The following PTPRD variants were observed in gnomAD, a reference collection of about 807,000 sequenced individuals.
PTPRD encodes protein tyrosine phosphatase receptor type D, also known as receptor-type tyrosine-protein phosphatase delta.
Under a neutral mutation model 214.5 loss-of-function variants are expected in PTPRD, and 34 were observed. That is an observed-to-expected ratio of 0.16 (90% CI 0.12 to 0.21). The LOEUF (loss-of-function observed/expected upper bound fraction) is 0.21, where lower values mean the gene tolerates loss of function less well. PTPRD is among the 10% of genes least tolerant of loss of function. The probability of loss-of-function intolerance (pLI) is 1.00; values close to 1 mark genes in which losing one functional copy is unlikely to be tolerated. For missense variants in PTPRD, 2,545 were observed against 2,398.7 expected (o/e 1.06, Z -1.27); for synonymous variants, 1,128 against 845.7 (o/e 1.33, Z -5.79).
chr9:8,771,355 T>C (rs1278527085), intron 11 of PTPRD, among the ~76,000 whole-genome samples: 2 of 152,192 alleles, frequency 1.3e-5, no homozygotes, highest in African/African-American at 4.8e-5. Context: ...CTAAAGACTA[T>C]CACTGTACTT....
intron 8 of PTPRD, among the ~76,000 whole-genome samples, chr9:9,467,485 G>A (rs2094272703): frequency 6.6e-6 from 1 of 150,458 alleles, no homozygotes; most frequent in Non-Finnish European, 1.5e-5. Context: ...TACTCGAGAG[G>A]CTGAGGCAGT....
At chr9:9,605,089 G>C (rs2094060037) in intron 7 of PTPRD, among the ~76,000 whole-genome samples, 1 of 151,892 alleles carries the variant, frequency 6.6e-6, no homozygotes, top group African/African-American at 2.4e-5. Context: ...TTTTCATCTA[G>C]CAAAACATTT....
At chr9:10,479,152 T>C (rs1445420476) in intron 2 of PTPRD, among the ~76,000 whole-genome samples, 1 of 152,156 alleles carries the variant, frequency 6.6e-6, no homozygotes, top group Non-Finnish European at 1.5e-5. Context: ...CTAAATTCTA[T>C]ACTCGTATAA....
At chr9:10,124,603 C>G (rs1179984861) in intron 3 of PTPRD, among the ~76,000 whole-genome samples, 1 of 152,156 alleles carries the variant, frequency 6.6e-6, no homozygotes, top group Non-Finnish European at 1.5e-5. Flanking sequence ...ATGTCTCCTG[C>G]ACTTTTTCTA....
At chr9:10,086,182 C>G (rs1242832483) in intron 3 of PTPRD, among the ~76,000 whole-genome samples, 4 of 151,782 alleles carry the variant, frequency 2.6e-5, no homozygotes, top group African/African-American at 9.7e-5. Context: ...AATGCAAAGT[C>G]TAATAGTAAA....
intron 2 of PTPRD, among the ~76,000 whole-genome samples, chr9:10,424,367 T>C (rs1447419424): frequency 2.0e-5 from 3 of 151,724 alleles, no homozygotes; most frequent in Non-Finnish European, 4.4e-5. Flanking sequence ...TCTGTTATTA[T>C]ATTTTTAGGT....
chr9:10,208,314 G>A (rs554087415), intron 3 of PTPRD, among the ~76,000 whole-genome samples: 2,287 of 152,138 alleles, frequency 0.015, 42 homozygotes, highest in African/African-American at 0.04. Flanking sequence ...GGAGATCGAC[G>A]CCATCCTGGC....
At chr9:8,457,369 T>C (rs1038121726) in intron 33 of PTPRD, among the ~76,000 whole-genome samples, 2 of 152,086 alleles carry the variant, frequency 1.3e-5, no homozygotes, top group African/African-American at 4.8e-5. Flanking sequence ...TACAAGAAAA[T>C]TTATAACATT....
At chr9:9,764,275 G>A (rs1011523040) in intron 6 of PTPRD, among the ~76,000 whole-genome samples, 8 of 151,906 alleles carry the variant, frequency 5.3e-5, no homozygotes, top group Admixed American at 2.6e-4. Flanking sequence ...TTTATAATGC[G>A]GTGTTCCATC....
intron 35 of PTPRD, among the ~76,000 whole-genome samples, chr9:8,423,031 G>C (rs552644998): frequency 6.6e-6 from 1 of 152,308 alleles, no homozygotes; most frequent in Non-Finnish European, 1.5e-5. Context: ...ACCTAAGCCT[G>C]CAGGGATGGG....
Position 8,968,203 on chromosome 9 carries a change from T to C in PTPRD, c.-104+50494A>G, listed in dbSNP as rs375887325. On this transcript the variant is annotated intron_variant, in intron 11 of 45. Transcript: ENST00000381196. ...AAGTCTTTGCTATTGTGAATAGTGC[T>C]GCAATAAACATACGTGTGCATGTGT... Among the ~76,000 whole-genome samples, 8 of 152,220 alleles carry C rather than the reference T, an allele frequency of 5.3e-5. No individual in the cohort carries two copies. The East Asian group carries it at 9.7e-4, about 18-fold the overall frequency.
chr9:10,578,999 G>A (rs1174963510), intron 2 of PTPRD, among the ~76,000 whole-genome samples: 1 of 152,038 alleles, frequency 6.6e-6, no homozygotes, highest in African/African-American at 2.4e-5. Flanking sequence ...GTGATTTGCT[G>A]CACCTCTCAA....
intron 11 of PTPRD, among the ~76,000 whole-genome samples, chr9:8,748,227 C>G (rs535894435): frequency 2.0e-5 from 3 of 152,066 alleles, no homozygotes; most frequent in Non-Finnish European, 4.4e-5. Context: ...ATTTCCTAGG[C>G]GGAATAAGAA....
At chr9:9,152,876 G>C (rs79823861) in intron 10 of PTPRD, among the ~76,000 whole-genome samples, 1,682 of 152,300 alleles carry the variant, frequency 0.011, 12 homozygotes, top group Non-Finnish European at 0.019. Context: ...CAGAACCGAT[G>C]AGAGGGGCAC....
chr9:9,239,606 T>C (rs746994498), intron 9 of PTPRD, among the ~76,000 whole-genome samples: 4 of 152,166 alleles, frequency 2.6e-5, no homozygotes, highest in Non-Finnish European at 5.9e-5. Flanking sequence ...CCTGAAATCT[T>C]ACACACATCT....
At chr9:9,503,517 G>A (rs1263803672) in intron 8 of PTPRD, among the ~76,000 whole-genome samples, 1 of 151,690 alleles carries the variant, frequency 6.6e-6, no homozygotes, top group Non-Finnish European at 1.5e-5. Context: ...AAAATGTAGA[G>A]GAGGCCATGG....
intron 8 of PTPRD, among the ~76,000 whole-genome samples, chr9:9,514,911 C>T (rs753539562): frequency 1.3e-5 from 2 of 152,108 alleles, no homozygotes; most frequent in African/African-American, 2.4e-5. Flanking sequence ...CATACCTAAA[C>T]AAATACTTAT....
chr9:9,973,984 G>C (rs2095256081), intron 4 of PTPRD, among the ~76,000 whole-genome samples: 1 of 152,096 alleles, frequency 6.6e-6, no homozygotes, highest in Non-Finnish European at 1.5e-5. Flanking sequence ...TATTCTGATG[G>C]TTCTGTAAAT....
intron 8 of PTPRD, among the ~76,000 whole-genome samples, chr9:9,482,043 G>A (rs931464368): frequency 6.6e-6 from 1 of 152,020 alleles, no homozygotes; most frequent in Non-Finnish European, 1.5e-5. Flanking sequence ...GAGCTACTCT[G>A]CCACATGAAT....
Sources: allele counts gnomAD v4.1 joint callset (sites outside exome capture counted in the v4.1 genomes callset), GRCh38; gene constraint gnomAD v4.1.1; transcripts MANE v1.5; gene names NCBI Gene and HGNC (gene_info 2026-07-23, HGNC 2026-07-21).